The following ZNF793 variants were observed in gnomAD, a reference collection of about 807,000 sequenced individuals.
The protein encoded by ZNF793 is zinc finger protein 793.
Under a neutral mutation model 12.4 loss-of-function variants are expected in ZNF793, and 5 were observed. The observed-to-expected ratio is 0.40, with a 90% CI of 0.21 to 0.84. The LOEUF (loss-of-function observed/expected upper bound fraction) is 0.84, where lower values mean the gene tolerates loss of function less well. Ranked by LOEUF, ZNF793 falls within the 40% of genes least tolerant of loss-of-function variation. The probability of loss-of-function intolerance (pLI) is 0.35; values close to 1 mark genes in which losing one functional copy is unlikely to be tolerated. For synonymous variants in ZNF793, 162 were observed against 172.4 expected (o/e 0.94, Z 0.47); for missense variants, 456 against 495.0 (o/e 0.92, Z 0.75).
At chr19:37,522,299 A>G (rs965828987) in intron 3 of ZNF793, among the ~76,000 whole-genome samples, 31 of 151,876 alleles carry the variant, frequency 2.0e-4, no homozygotes, top group African/African-American at 7.5e-4. Context: ...CTGGGTTCAA[A>G]TGATTCTCCT....
chr19:37,516,275 C>T (rs2042331496), intron 2 of ZNF793, among the ~76,000 whole-genome samples: 1 of 152,176 alleles, frequency 6.6e-6, no homozygotes, highest in Non-Finnish European at 1.5e-5. Context: ...GCTGGGATTA[C>T]AGGCATGTGC....
chr19:37,511,270 C>G lies in ZNF793; in HGVS notation c.-276+2867C>G, dbSNP rs118041463. 4.6e-3 allele frequency among the ~76,000 whole-genome samples: 702 copies of G among 152,324 alleles called. 6 individuals are homozygous for G. Among genetic ancestry groups the G allele is most frequent in the Middle Eastern group, 0.017 (5 of 294 alleles). On this transcript the variant is annotated intron_variant, in intron 2 of 7. Transcript: ENST00000627814. Reference sequence around the variant, plus strand: ...CCCCTGTGAATCCACTTGATTGACTCATATTCACTGAATTTGATAGGATTC... The same window carrying G: ...CCCCTGTGAATCCACTTGATTGACTGATATTCACTGAATTTGATAGGATTC...
At position 37,543,236 on chromosome 19, in the gene ZNF793, G is replaced by C. The variant is rs1037641808; in HGVS notation, c.*5357G>C. The C allele has an allele frequency of 2.0e-5, 3 of 152,190 alleles. No homozygotes were observed. Among genetic ancestry groups the C allele is most frequent in the African/African-American group, 7.2e-5 (3 of 41,450 alleles). The allele number at this position is 152,190 out of a possible 1,614,324, so 9.4% of individuals were successfully genotyped here. On this transcript the variant is annotated 3_prime_UTR_variant, in exon 8 of 8. Transcript: ENST00000627814. ...TCATTGGTTACCTTGGTGGAGAAGG[G>C]TAATAAGTTTTCTGAATACCTTTGC...
At position 37,520,291 on chromosome 19, in the gene ZNF793, A is replaced by G. The variant is rs2042365124; in HGVS notation, c.-168A>G. Reference sequence around the variant, plus strand: ...CCACAGGACCTTGGTCACAACATCTACAGAAGGCCCTGCAGCTAAGTGTGA... The same window carrying G: ...CCACAGGACCTTGGTCACAACATCTGCAGAAGGCCCTGCAGCTAAGTGTGA... On this transcript the variant is annotated 5_prime_UTR_variant, in exon 3 of 8. Coordinates refer to ENST00000627814, the MANE Select transcript of ZNF793 (RefSeq NM_001013659.3). 6.6e-6 allele frequency: 1 copy of G among 152,338 alleles called. No individual in the cohort carries two copies. Among genetic ancestry groups the G allele is most frequent in the Non-Finnish European group, 1.5e-5 (1 of 68,190 alleles). 9.4% of individuals were successfully genotyped at this position (152,338 alleles called of 1,614,324 possible).
At position 37,520,959 on chromosome 19, in the gene ZNF793, A is replaced by T. The variant is rs142371679; in HGVS notation, c.-147+647A>T. On this transcript the variant is annotated intron_variant, in intron 3 of 7. Coordinates refer to ENST00000627814, the MANE Select transcript of ZNF793 (RefSeq NM_001013659.3). The stretch of plus-strand genomic sequence containing the variant: ...CTGGAGTACAATGGCAGAATCTCAG[A>T]ATTACAGACATGCACCACCATGCCC... 7.3e-4 allele frequency among the ~76,000 whole-genome samples: 110 copies of T among 150,738 alleles called. No individual in the cohort carries two copies. The East Asian group carries it at 0.015, about 20-fold the overall frequency.
intron 7 of ZNF793, chr19:37,536,333 G>A (rs2042504555): frequency 2.5e-6 from 1 of 397,488 alleles, no homozygotes; most frequent in Non-Finnish European, 4.4e-6. Context: ...GTCTGATTAA[G>A]TAGGTCTGGG....
At position 37,537,247 on chromosome 19, in the gene ZNF793, T is replaced by C; in HGVS notation, c.589T>C (p.Phe197Leu). Residue 197 changes from phenylalanine (F) to leucine (L), a missense_variant, in exon 8 of 8, where the codon TTC (phenylalanine) becomes CTC (leucine). By Grantham distance (22) the Phe-to-Leu change is conservative (BLOSUM62 0). Coordinates refer to ENST00000627814, the MANE Select transcript of ZNF793 (RefSeq NM_001013659.3). ...PRGCSHCEKA[F>L]TQNPALMYKP... ...GGGTTGCAGTCACTGTGAGAAAGCT[T>C]TCACCCAGAACCCGGCACTTATGTA... 1 of 1,613,936 alleles carries C rather than the reference T, an allele frequency of 6.2e-7. No homozygotes were observed. The highest frequency in any genetic ancestry group is 8.5e-7 in the Non-Finnish European group (1 of 1,179,902).
chr19:37,530,301 CA>C (rs1429906991), intron 5 of ZNF793, among the ~76,000 whole-genome samples: 16 of 151,990 alleles, frequency 1.1e-4, no homozygotes, highest in African/African-American at 2.9e-4. Context: ...GTCTCAACTG[CA>C]AAGAGGCATT....
At position 37,508,289 on chromosome 19, in the gene ZNF793, A is replaced by G. The variant is rs2042266416; in HGVS notation, c.-390A>G. ...GGCTCTTTCTGGCAAAGGTAATGAC[A>G]TACGCATCTGTGCCAGCATCCCAAG... On this transcript the variant is annotated 5_prime_UTR_variant, in exon 2 of 8. Coordinates refer to ENST00000627814, the MANE Select transcript of ZNF793 (RefSeq NM_001013659.3). 1 of 152,184 alleles carries G rather than the reference A, an allele frequency of 6.6e-6. No individual in the cohort carries two copies. The highest frequency in any genetic ancestry group is 1.9e-4 in the East Asian group (1 of 5,202). The allele number at this position is 152,184 out of a possible 1,614,324, so 9.4% of individuals were successfully genotyped here. A position where few individuals can be genotyped will look rare whatever the true frequency, so the allele number is the denominator to read the frequency against.
At chr19:37,532,029 T>G (rs1159982159) in intron 5 of ZNF793, among the ~76,000 whole-genome samples, 1 of 151,862 alleles carries the variant, frequency 6.6e-6, no homozygotes, top group Admixed American at 6.6e-5. Context: ...TTTTTTTTTT[T>G]TTTTGAGATG....
chr19:37,514,773 A>G (rs937609330), intron 2 of ZNF793, among the ~76,000 whole-genome samples: 1 of 152,166 alleles, frequency 6.6e-6, no homozygotes, highest in East Asian at 1.9e-4. Flanking sequence ...AAAATTAGCA[A>G]TATGTTAAAT....
rs2147075668 is a variant in ZNF793 at position 37,520,332 on chromosome 19, T to G, written c.-147+20T>G. The G allele has an allele frequency of 6.6e-6, 1 of 152,434 alleles. No individual in the cohort carries two copies. Among genetic ancestry groups the G allele is most frequent in the Non-Finnish European group, 1.5e-5 (1 of 68,138 alleles). 9.4% of individuals were successfully genotyped at this position (152,434 alleles called of 1,614,324 possible). ...CTAAGTGTGAGTTACTGTTGAGAGA[T>G]GGAGCTGTGAGTGCCTGGGCAGGCC... On this transcript the variant is annotated intron_variant, in intron 3 of 7. Transcript: ENST00000627814.
At position 37,537,347 on chromosome 19, in the gene ZNF793, G is replaced by A. The variant is rs2042514736; in HGVS notation, c.689G>A (p.Ser230Asn). The A allele has an allele frequency of 6.2e-7, 1 of 1,613,218 alleles. No individual in the cohort carries two copies. Among genetic ancestry groups the A allele is most frequent in the Non-Finnish European group, 8.5e-7 (1 of 1,179,598 alleles). ...VPPTEKPHVC[S>N]ECGKAFCYKS... ...CCTACAGAAAAACCCCACGTCTGTA[G>A]TGAGTGTGGGAAAGCCTTCTGCTAC... The change falls in exon 8 of 8, where the codon AGT (serine) becomes AAT (asparagine). Residue 230 changes from serine to asparagine, a missense_variant. Transcript: ENST00000627814.
chr19:37,520,715 C>T (rs943359691), intron 3 of ZNF793, among the ~76,000 whole-genome samples: 1 of 152,056 alleles, frequency 6.6e-6, no homozygotes, highest in African/African-American at 2.4e-5. Context: ...GGCCCATCTG[C>T]TTCTTTATTC....
intron 5 of ZNF793, 113 bp downstream of exon 5, chr19:37,523,567 G>T: frequency 9.8e-7 from 1 of 1,025,352 alleles, no homozygotes; most frequent in South Asian, 1.4e-5. Context: ...TGGGTTCTCA[G>T]GGAAGCTGAC....
At chr19:37,519,599 G>A (rs927543343) in intron 2 of ZNF793, among the ~76,000 whole-genome samples, 2 of 152,102 alleles carry the variant, frequency 1.3e-5, no homozygotes, top group Non-Finnish European at 2.9e-5. Context: ...AGGATTAATA[G>A]CCTCAATATA....
At chr19:37,511,995 A>C (rs2147058257) in intron 2 of ZNF793, among the ~76,000 whole-genome samples, 1 of 151,690 alleles carries the variant, frequency 6.6e-6, no homozygotes, top group South Asian at 2.1e-4. Context: ...CATAGTGGTG[A>C]CTCAACAAAT....
chr19:37,524,152 A>AAATAATAAT lies in ZNF793; in HGVS notation c.15+737_15+745dup, dbSNP rs200203820. Reference sequence around the variant, plus strand: ...GCAACAAGAGCAAAACTCCATCTCAAAATAATAATAATAATAATAATAATA... The same window carrying AAATAATAAT: ...GCAACAAGAGCAAAACTCCATCTCAAAATAATAATAATAATAATAATAATAATAATAATA... On this transcript the variant is annotated intron_variant, in intron 5 of 7. Transcript: ENST00000627814. Among the ~76,000 whole-genome samples, 62 of 138,942 alleles carry AAATAATAAT rather than the reference A, an allele frequency of 4.5e-4. 1 individual carries two copies. Among genetic ancestry groups the AAATAATAAT allele is most frequent in the East Asian group, 2.3e-3 (11 of 4,758 alleles). The allele number at this position is 138,942 out of a possible 152,430, so 91.2% of individuals were successfully genotyped here. A position where few individuals can be genotyped will look rare whatever the true frequency, so the allele number is the denominator to read the frequency against.
chr19:37,518,707 G>A (rs925553310), intron 2 of ZNF793, among the ~76,000 whole-genome samples: 13 of 151,872 alleles, frequency 8.6e-5, no homozygotes, highest in African/African-American at 2.9e-4. Flanking sequence ...GCTGAGGTGG[G>A]AGGATCACCT....
Sources: allele counts gnomAD v4.1 joint callset (sites outside exome capture counted in the v4.1 genomes callset), GRCh38; gene constraint gnomAD v4.1.1; transcripts MANE v1.5; gene names NCBI Gene and HGNC (gene_info 2026-07-23, HGNC 2026-07-21).